UBE2E2: variants seen among roughly 807,000 people sequenced by gnomAD.
UBE2E2 encodes ubiquitin-conjugating enzyme E2 E2.
UBE2E2 carries 6 observed loss-of-function variants against 24.7 expected under a neutral mutation model. The ratio of observed to expected loss-of-function variants is 0.24; its 90% CI spans 0.13 to 0.48. UBE2E2 has a LOEUF of 0.48. Ranked by LOEUF, UBE2E2 falls within the 20% of genes least tolerant of loss-of-function variation. UBE2E2 has a pLI of 0.99. For synonymous variants in UBE2E2, 104 were observed against 83.6 expected, an observed-to-expected ratio of 1.24 and a Z score of -1.33; for missense variants, 169 against 245.0, an observed-to-expected ratio of 0.69 and a Z score of 2.07.
At chr3:23,436,964 C>T (rs1286699086) in intron 3 of UBE2E2, among the ~76,000 whole-genome samples, 1 of 152,230 alleles carries the variant, frequency 6.6e-6, no homozygotes, top group African/African-American at 2.4e-5. Flanking sequence ...CTGCCATTGA[C>T]ACTCTCACTG....
chr3:23,588,369 T>A (rs981280184), intron 5 of UBE2E2, among the ~76,000 whole-genome samples: 3 of 139,510 alleles, frequency 2.2e-5, no homozygotes, highest in Non-Finnish European at 4.4e-5. Flanking sequence ...CCTAAGTTAC[T>A]TTTTTTTTAA....
intron 4 of UBE2E2, among the ~76,000 whole-genome samples, chr3:23,513,856 C>G (rs78301093): frequency 0.029 from 4,384 of 152,142 alleles, 109 homozygotes; most frequent in East Asian, 0.13. Context: ...TAAGTGTACA[C>G]TTTTTCTTAT....
At position 23,334,010 on chromosome 3, in the gene UBE2E2, C is replaced by T. The variant is rs955117642; in HGVS notation, c.227+116698C>T. 2.6e-5 allele frequency among the ~76,000 whole-genome samples: 4 copies of T among 152,114 alleles called. No individual in the cohort carries two copies. The East Asian group carries it at 7.7e-4, about 29-fold the overall frequency. On this transcript the variant is annotated intron_variant, in intron 3 of 5. Transcript: ENST00000396703. ...GTTTCAGTTGTTGATGCATTTTGTC[C>T]TCACAGAAAGATCAACATTAATTTG...
At chr3:23,210,803 T>C (rs1696301667) in intron 2 of UBE2E2, among the ~76,000 whole-genome samples, 1 of 152,184 alleles carries the variant, frequency 6.6e-6, no homozygotes, top group Non-Finnish European at 1.5e-5. Flanking sequence ...GTTGTGAATC[T>C]GTGATTTTCA....
intron 3 of UBE2E2, among the ~76,000 whole-genome samples, chr3:23,395,935 CAATT>C (rs1188779285): frequency 4.6e-5 from 7 of 152,070 alleles, no homozygotes; most frequent in Non-Finnish European, 1.0e-4. Flanking sequence ...TCATGCAACT[CAATT>C]AAATTAGCTT....
At chr3:23,440,512 A>C (rs1452244571) in intron 3 of UBE2E2, among the ~76,000 whole-genome samples, 1 of 152,370 alleles carries the variant, frequency 6.6e-6, no homozygotes, top group African/African-American at 2.4e-5. Flanking sequence ...ACCCACGTTC[A>C]TACGCGTGAA....
chr3:23,547,326 T>C (rs1575699155), intron 5 of UBE2E2, among the ~76,000 whole-genome samples: 1 of 152,320 alleles, frequency 6.6e-6, no homozygotes, highest in South Asian at 2.1e-4. Context: ...TTACCACAGG[T>C]GTGTGTCTTT....
intron 3 of UBE2E2, among the ~76,000 whole-genome samples, chr3:23,378,236 T>TAAAAAAAAA (rs56808350): frequency 1.1e-4 from 13 of 118,058 alleles, no homozygotes; most frequent in East Asian, 2.6e-4. Flanking sequence ...AAATAAGCAG[T>TAAAAAAAAA]AAAAAAAAAA....
Position 23,583,120 on chromosome 3 carries a change from G to A in UBE2E2, c.509-6614G>A, listed in dbSNP as rs1696526467. Among the ~76,000 whole-genome samples, 1 of 152,094 alleles carries A rather than the reference G, an allele frequency of 6.6e-6. No individual in the cohort carries two copies. The highest frequency in any genetic ancestry group is 6.6e-5 in the Admixed American group (1 of 15,256). ...TGATTTTTGGATGTGGTGTAAGGAA[G>A]GGGTCCAATTTCAATCTTCTGCATA... On this transcript the variant is annotated intron_variant, in intron 5 of 5. Coordinates refer to ENST00000396703, the MANE Select transcript of UBE2E2 (RefSeq NM_152653.4). This position sits in a 1 kb window ranked among gnomAD's most constrained non-coding sequence, Gnocchi z 4.1.
At chr3:23,404,030 A>G (rs999255418) in intron 3 of UBE2E2, among the ~76,000 whole-genome samples, 6 of 152,112 alleles carry the variant, frequency 3.9e-5, no homozygotes, top group African/African-American at 1.4e-4. Context: ...ATGAGCAGGA[A>G]CTGTATGCAA....
intron 3 of UBE2E2, among the ~76,000 whole-genome samples, chr3:23,378,467 T>C (rs951432258): frequency 6.6e-6 from 1 of 152,196 alleles, no homozygotes; most frequent in Non-Finnish European, 1.5e-5. Flanking sequence ...TAATAGCGTG[T>C]ATGCTATGTG....
intron 3 of UBE2E2, among the ~76,000 whole-genome samples, chr3:23,353,762 C>T (rs1160890695): frequency 1.3e-5 from 2 of 152,072 alleles, no homozygotes; most frequent in African/African-American, 4.8e-5. Flanking sequence ...GAAGAACATT[C>T]CATGCTCATG....
intron 1 of UBE2E2, among the ~76,000 whole-genome samples, chr3:23,204,379 A>G (rs974250017): frequency 4.6e-5 from 7 of 152,056 alleles, no homozygotes; most frequent in South Asian, 2.1e-4. Context: ...ATCGTTTTGT[A>G]TTGTGTATTC....
intron 3 of UBE2E2, among the ~76,000 whole-genome samples, chr3:23,325,077 A>C (rs1364188290): frequency 6.6e-6 from 1 of 152,194 alleles, no homozygotes; most frequent in Non-Finnish European, 1.5e-5. Context: ...GAAGCAGTAC[A>C]GAATATAGGT....
intron 5 of UBE2E2, among the ~76,000 whole-genome samples, chr3:23,536,732 G>T (rs545588234): frequency 6.6e-6 from 1 of 152,162 alleles, no homozygotes; most frequent in African/African-American, 2.4e-5. Context: ...ATTGTAGATG[G>T]GGAGGAATAT....
At chr3:23,355,916 T>G (rs1389435313) in intron 3 of UBE2E2, among the ~76,000 whole-genome samples, 2 of 152,230 alleles carry the variant, frequency 1.3e-5, no homozygotes, top group African/African-American at 4.8e-5. Flanking sequence ...GTAAATCATC[T>G]AAGACTTTCT....
intron 3 of UBE2E2, among the ~76,000 whole-genome samples, chr3:23,334,930 G>T (rs553493736): frequency 1.3e-5 from 2 of 152,208 alleles, no homozygotes; most frequent in South Asian, 4.2e-4. Flanking sequence ...GGTCTATAAA[G>T]ATCTTTACAT....
intron 5 of UBE2E2, among the ~76,000 whole-genome samples, chr3:23,587,852 T>C (rs182507377): frequency 1.3e-5 from 2 of 152,240 alleles, no homozygotes; most frequent in African/African-American, 4.8e-5. Context: ...TCACAAAGAG[T>C]AGGCAGAGAG....
At chr3:23,524,857 GAC>G (rs772415833) in intron 4 of UBE2E2, among the ~76,000 whole-genome samples, 1 of 128,684 alleles carries the variant, frequency 7.8e-6, no homozygotes, top group South Asian at 2.6e-4. Context: ...GATACACACA[GAC>G]ACACAGACAC....
Sources: gnomAD v4.1 joint callset for allele counts (sites outside exome capture counted in the v4.1 genomes callset) on GRCh38, gnomAD v4.1.1 for gene constraint, Gnocchi (gnomAD v3.1) non-coding constraint, MANE v1.5 for transcripts, NCBI Gene and HGNC (gene_info 2026-07-23, HGNC 2026-07-21) for gene names.